The following CWF19L1 variants were observed in gnomAD, a reference collection of about 807,000 sequenced individuals.
CWF19L1 encodes the protein CWF19 like cell cycle control factor 1.
Under a neutral mutation model 69.7 loss-of-function variants are expected in CWF19L1, and 60 were observed. The observed-to-expected ratio is 0.86, with a 90% CI of 0.70 to 1.07. The LOEUF (loss-of-function observed/expected upper bound fraction) is 1.07, where lower values mean the gene tolerates loss of function less well. Among genes scored for constraint, CWF19L1 ranks in the 50% least tolerant of loss-of-function variants. The pLI, the probability that CWF19L1 is intolerant of heterozygous loss-of-function variation, is 0.00. For synonymous variants in CWF19L1, 209 were observed against 222.2 expected (o/e 0.94, Z 0.53); for missense variants, 591 against 638.9 (o/e 0.92, Z 0.81).
In CWF19L1 at chr10:100,262,871, T is replaced by G. The variant is rs560068102; in HGVS notation, c.24-808A>C. Among the ~76,000 whole-genome samples the G allele has an allele frequency of 8.5e-5, 13 of 152,312 alleles. No individual in the cohort carries two copies. In the South Asian group the frequency reaches 2.7e-3, roughly 32 times the overall value. On this transcript the variant is annotated intron_variant, in intron 1 of 13. Transcript: ENST00000354105. ...TTTAACTCATCTTGAAATATTAAAA[T>G]TTTATTGTTTTGTGAGTGTCTCTTT...
intron 13 of CWF19L1, among the ~76,000 whole-genome samples, chr10:100,234,590 G>A (rs1846373766): frequency 1.3e-5 from 2 of 152,104 alleles, no homozygotes; most frequent in Non-Finnish European, 2.9e-5. Flanking sequence ...TACATTTACT[G>A]GACTTATCTA....
rs1279995314 is a variant in CWF19L1, at chr10:100,238,015, C to A, written c.1254+7G>T. On this transcript the variant is annotated splice_region_variant and intron_variant, in intron 11 of 13. Transcript: ENST00000354105. ...CCCTTCCAAGTTTCTATGAACAGAC[C>A]ACCTACCTGTAGCTGGAGGTGATGG... is the stretch of plus-strand genomic sequence containing the variant. The A allele has an allele frequency of 1.2e-6, 2 of 1,613,570 alleles. No individual in the cohort carries two copies. The highest frequency in any genetic ancestry group is 1.7e-6 in the Non-Finnish European group (2 of 1,179,644).
intron 1 of CWF19L1, among the ~76,000 whole-genome samples, chr10:100,265,220 T>A (rs571697455): frequency 2.2e-4 from 34 of 151,758 alleles, no homozygotes; most frequent in African/African-American, 8.2e-4. Flanking sequence ...AGCTGTACAA[T>A]GTGTTTTATG....
intron 11 of CWF19L1, among the ~76,000 whole-genome samples, chr10:100,237,777 G>T (rs1453178699): frequency 6.6e-6 from 1 of 151,886 alleles, no homozygotes; most frequent in Non-Finnish European, 1.5e-5. Context: ...CTCCCGAGTA[G>T]CTGGGATTAC....
chr10:100,257,713 A>C (rs1423282963), intron 4 of CWF19L1, among the ~76,000 whole-genome samples: 1 of 152,106 alleles, frequency 6.6e-6, no homozygotes, highest in African/African-American at 2.4e-5. Flanking sequence ...AGTAGATTCC[A>C]TGAAGTTGAC....
Position 100,253,383 on chromosome 10 carries a change from A to G in CWF19L1, c.623+38T>C, listed in dbSNP as rs200878431. On this transcript the variant is annotated intron_variant, in intron 6 of 13. Coordinates refer to ENST00000354105, the MANE Select transcript of CWF19L1 (RefSeq NM_018294.6). ...AGTTTATACAGAAGATCCATGGCAA[A>G]TTCTTCAAAAAGCCAAGAAGAATGA... 2.8e-4 allele frequency: 348 copies of G among 1,242,268 alleles called. 5 individuals are homozygous for G. In the South Asian group the frequency reaches 3.9e-3, roughly 14 times the overall value. The allele number at this position is 1,242,268 out of a possible 1,614,324, so 77.0% of individuals were successfully genotyped here.
In CWF19L1 at chr10:100,256,279, T is replaced by TC. The variant is rs763000847; in HGVS notation, c.486dup (p.Asn163GlufsTer41). On this transcript the variant is annotated frameshift_variant, in exon 5 of 14. Transcript: ENST00000354105. LOFTEE classifies it high-confidence loss of function. Reference sequence around the variant, plus strand: ...CTACTCACAGAAGAATTCCCAAAGTTCCCCACACACTTGGGCCATGGGGAT... The same window carrying TC: ...CTACTCACAGAAGAATTCCCAAAGTTCCCCCACACACTTGGGCCATGGGGAT... The TC allele has an allele frequency of 1.9e-6, 3 of 1,613,948 alleles. No individual in the cohort carries two copies. The South Asian group carries it at 3.3e-5, about 18-fold the overall frequency.
At chr10:100,236,999 T>C (rs1482854908) in intron 11 of CWF19L1, 30 bp from the exon 12 acceptor site, 35 of 1,549,918 alleles carry the variant, frequency 2.3e-5, no homozygotes, top group Non-Finnish European at 2.9e-5. Flanking sequence ...GAGAAATTCC[T>C]TGTGCAGGTC....
Position 100,256,617 on chromosome 10 carries a change from C to A in CWF19L1, c.290-141G>T, listed in dbSNP as rs145435905. 3.2e-3 allele frequency: 2,119 copies of A among 661,092 alleles called. 50 individuals are homozygous for A. The East Asian group carries it at 0.05, about 15-fold the overall frequency. The allele number at this position is 661,092 out of a possible 1,614,324, so 41.0% of individuals were successfully genotyped here. A position where few individuals can be genotyped will look rare whatever the true frequency, so the allele number is the denominator to read the frequency against. ...GTGTAAACTCTCCAGCAGCTCCCTT[C>A]TGGCTGCTAGGCATCAATGGTGAAT... is the stretch of plus-strand genomic sequence containing the variant. On this transcript the variant is annotated intron_variant, in intron 4 of 13. Transcript: ENST00000354105.
chr10:100,242,741 A>T (rs1466777413), intron 10 of CWF19L1, among the ~76,000 whole-genome samples: 1 of 152,182 alleles, frequency 6.6e-6, no homozygotes. Flanking sequence ...AAGAATATCA[A>T]CATTTTTAAC....
chr10:100,235,025 TATTTAA>T (rs1846386758), intron 13 of CWF19L1, among the ~76,000 whole-genome samples: 3 of 152,344 alleles, frequency 2.0e-5, no homozygotes, highest in African/African-American at 7.2e-5. Context: ...CAGGTATGGC[TATTTAA>T]ATTTAAATTC....
At chr10:100,244,830 T>C (rs1217271327) in intron 9 of CWF19L1, among the ~76,000 whole-genome samples, 6 of 151,678 alleles carry the variant, frequency 4.0e-5, no homozygotes, top group African/African-American at 9.7e-5. Flanking sequence ...ATTTTTTGTA[T>C]TTTTAGTAGA....
chr10:100,247,342 A>C (rs187225038), intron 7 of CWF19L1, among the ~76,000 whole-genome samples: 36 of 152,338 alleles, frequency 2.4e-4, no homozygotes, highest in Non-Finnish European at 4.9e-4. Context: ...TATTTTTCCT[A>C]ATGAAAATTA....
At chr10:100,261,517 A>G (rs1428652788) in intron 2 of CWF19L1, among the ~76,000 whole-genome samples, 3 of 152,234 alleles carry the variant, frequency 2.0e-5, no homozygotes, top group Non-Finnish European at 2.9e-5. Flanking sequence ...CTTTAACCCA[A>G]TGAACAAATT....
At chr10:100,243,582 T>A in intron 10 of CWF19L1, 116 bp downstream of exon 10, 1 of 927,554 alleles carries the variant, frequency 1.1e-6, no homozygotes, top group Admixed American at 1.9e-5. Flanking sequence ...CTTACGAAAA[T>A]CACCGAATCA....
intron 9 of CWF19L1, 89 bp from the exon 10 acceptor site, chr10:100,243,866 T>C: frequency 1.8e-6 from 2 of 1,092,888 alleles, no homozygotes; most frequent in East Asian, 4.7e-5. Context: ...CTGATTTTTA[T>C]ATCCTGAAAA....
At chr10:100,248,306 C>A in intron 7 of CWF19L1, 1 of 1,373,020 alleles carries the variant, frequency 7.3e-7, no homozygotes, top group Non-Finnish European at 1.0e-6. Context: ...TTGGCCTGGC[C>A]TTAGCTGTTG....
intron 5 of CWF19L1, 93 bp downstream of exon 5, chr10:100,256,168 TA>T: frequency 1.1e-6 from 1 of 942,530 alleles, no homozygotes; most frequent in Non-Finnish European, 1.7e-6. Flanking sequence ...ACCCAAGAGC[TA>T]AAATACTCAA....
rs758235043 is a variant in CWF19L1, at chr10:100,238,057, C to CG, written c.1218_1219insC (p.Glu407ArgfsTer5). On this transcript the variant is annotated frameshift_variant, in exon 11 of 14. Coordinates refer to ENST00000354105, the MANE Select transcript of CWF19L1 (RefSeq NM_018294.6). LOFTEE classifies it high-confidence loss of function. ...AGGTGATGGCTCTTATAATTTCTCT[C>CG]AAATACAACACACCATTTCCCTCGA... 1 of 1,614,192 alleles carries CG rather than the reference C, an allele frequency of 6.2e-7. No individual in the cohort carries two copies. Among genetic ancestry groups the CG allele is most frequent in the Non-Finnish European group, 8.5e-7 (1 of 1,180,030 alleles).
Sources: allele counts gnomAD v4.1 joint callset (sites outside exome capture counted in the v4.1 genomes callset), GRCh38; gene constraint gnomAD v4.1.1; transcripts MANE v1.5; gene names NCBI Gene and HGNC (gene_info 2026-07-23, HGNC 2026-07-21).